Variants in RXFP1 observed in about 807,000 individuals in gnomAD.
The protein encoded by RXFP1 is relaxin receptor 1.
A neutral mutation model predicts 89.8 loss-of-function variants in RXFP1; 73 were observed. That is an observed-to-expected ratio of 0.81 (90% CI 0.67 to 0.99). RXFP1 has a LOEUF of 0.99. Among genes scored for constraint, RXFP1 ranks in the 50% least tolerant of loss-of-function variants. The pLI is 0.00. For synonymous variants in RXFP1, 277 were observed against 305.5 expected (o/e 0.91, Z 0.97); for missense variants, 793 against 895.5 (o/e 0.89, Z 1.46).
chr4:158,602,043 A>T (rs1761781461), intron 4 of RXFP1, among the ~76,000 whole-genome samples: 1 of 152,148 alleles, frequency 6.6e-6, no homozygotes, highest in Admixed American at 6.6e-5. Flanking sequence ...CACACATACA[A>T]ACACAAACCC....
rs1762325183 is a variant in RXFP1, at chr4:158,605,059, T to C, written c.393-9T>C. The C allele has an allele frequency of 1.3e-6, 2 of 1,501,510 alleles. No individual in the cohort carries two copies. The highest frequency in any genetic ancestry group is 1.8e-6 in the Non-Finnish European group (2 of 1,097,656). 93.0% of individuals were successfully genotyped at this position (1,501,510 alleles called of 1,614,324 possible). The stretch of plus-strand genomic sequence containing the variant: ...CAACTTTAAGAATCAAAATTTACAT[T>C]TATTTCAGGTCACTTCAGTGGAACT... On this transcript the variant is annotated splice_polypyrimidine_tract_variant and intron_variant, in intron 4 of 17. Transcript: ENST00000307765.
chr4:158,527,506 G>T lies in RXFP1; in HGVS notation c.49+5481G>T, dbSNP rs1579331398. On this transcript the variant is annotated intron_variant, in intron 1 of 17. Coordinates refer to ENST00000307765, the MANE Select transcript of RXFP1 (RefSeq NM_021634.4). Reference sequence around the variant, plus strand: ...TGCAATCAGCCAAGATCATGCCACTGCACTCCAGACTAGGTGACAAGAGTG... The same window carrying T: ...TGCAATCAGCCAAGATCATGCCACTTCACTCCAGACTAGGTGACAAGAGTG... Among the ~76,000 whole-genome samples, 3 of 141,834 alleles carry T rather than the reference G, an allele frequency of 2.1e-5. No homozygotes were observed. The East Asian group carries it at 6.3e-4, about 30-fold the overall frequency. 93.0% of individuals were successfully genotyped at this position (141,834 alleles called of 152,430 possible).
At chr4:158,622,409 T>A (rs1311027862) in intron 9 of RXFP1, among the ~76,000 whole-genome samples, 1 of 152,224 alleles carries the variant, frequency 6.6e-6, no homozygotes, top group Non-Finnish European at 1.5e-5. Context: ...GTCAAAGAGA[T>A]ATCTTCACTC....
intron 1 of RXFP1, among the ~76,000 whole-genome samples, chr4:158,548,079 G>A (rs867865979): frequency 7.1e-4 from 108 of 152,156 alleles, no homozygotes; most frequent in African/African-American, 2.5e-3. Flanking sequence ...TATTATGTGG[G>A]AGCCTAAGTC....
chr4:158,563,346 G>A (rs1037204883), intron 1 of RXFP1, among the ~76,000 whole-genome samples: 1 of 152,074 alleles, frequency 6.6e-6, no homozygotes, highest in African/African-American at 2.4e-5. Flanking sequence ...TTAAAAAGAA[G>A]TAGAAGTGAA....
At chr4:158,568,255 A>T (rs754051108) in intron 1 of RXFP1, among the ~76,000 whole-genome samples, 1 of 152,382 alleles carries the variant, frequency 6.6e-6, no homozygotes, top group East Asian at 1.9e-4. Flanking sequence ...TGTTGAAGTC[A>T]GTGAGACCAA....
At chr4:158,620,462 T>G (rs894313848) in intron 9 of RXFP1, among the ~76,000 whole-genome samples, 3 of 151,628 alleles carry the variant, frequency 2.0e-5, no homozygotes, top group Non-Finnish European at 4.4e-5. Context: ...TCTAAGAACC[T>G]CAGAAAAATC....
rs148591886 is a variant in RXFP1 at position 158,606,563 on chromosome 4, C to T, written c.465-1409C>T. On this transcript the variant is annotated intron_variant, in intron 5 of 17. Transcript: ENST00000307765. The stretch of plus-strand genomic sequence containing the variant: ...ATTACCTACTACATGATTGGGCCCA[C>T]AGCATGTCCGGTTCAGGTGCATAAT... Among the ~76,000 whole-genome samples, 18 of 152,218 alleles carry T rather than the reference C, an allele frequency of 1.2e-4. 1 individual carries two copies. In the Middle Eastern group the frequency reaches 0.01, roughly 86 times the overall value.
chr4:158,596,890 A>G (rs80087617), intron 3 of RXFP1, among the ~76,000 whole-genome samples: 1,703 of 152,264 alleles, frequency 0.011, 12 homozygotes, highest in Non-Finnish European at 0.018. Flanking sequence ...AGAGAAATAT[A>G]TTTTTGCGTG....
intron 1 of RXFP1, among the ~76,000 whole-genome samples, chr4:158,527,564 A>AATATATATATAT (rs1553989424): frequency 0.13 from 13,035 of 97,976 alleles, 1,168 homozygotes; most frequent in Admixed American, 0.2. Flanking sequence ...AAAAAAAAAA[A>AATATATATATAT]ATATATATAT....
At chr4:158,530,922 C>G (rs1743878516) in intron 1 of RXFP1, among the ~76,000 whole-genome samples, 1 of 152,150 alleles carries the variant, frequency 6.6e-6, no homozygotes. Flanking sequence ...CTGTACAAAG[C>G]TTTTTGTAGC....
intron 2 of RXFP1, among the ~76,000 whole-genome samples, chr4:158,577,012 T>TTTCTTC (rs3085268): frequency 2.5e-4 from 38 of 150,348 alleles, no homozygotes; most frequent in African/African-American, 8.3e-4. Context: ...AGGCTGTTCT[T>TTTCTTC]TTCTTCTTCT....
intron 1 of RXFP1, among the ~76,000 whole-genome samples, chr4:158,523,297 G>A (rs192924400): frequency 6.6e-6 from 1 of 152,196 alleles, no homozygotes; most frequent in Non-Finnish European, 1.5e-5. Context: ...TCAATGAAAT[G>A]AATAGATTAA....
chr4:158,572,876 G>A (rs1203212791), intron 2 of RXFP1, 41 bp downstream of exon 2: 1 of 1,605,560 alleles, frequency 6.2e-7, no homozygotes, highest in Non-Finnish European at 8.5e-7. Context: ...GAAAGGAGCA[G>A]AAAGGACTGA....
chr4:158,550,017 G>C (rs1219470164), intron 1 of RXFP1, among the ~76,000 whole-genome samples: 2 of 152,236 alleles, frequency 1.3e-5, no homozygotes, highest in East Asian at 3.8e-4. Context: ...GGTTACTGCT[G>C]TCTTTTTGTT....
intron 1 of RXFP1, among the ~76,000 whole-genome samples, chr4:158,537,306 T>C (rs1315910699): frequency 6.6e-6 from 1 of 152,184 alleles, no homozygotes; most frequent in Admixed American, 6.5e-5. Flanking sequence ...TCTCTTCCTT[T>C]CATCCTTTCC....
intron 4 of RXFP1, among the ~76,000 whole-genome samples, chr4:158,603,985 A>AT (rs534150574): frequency 2.8e-4 from 42 of 148,920 alleles, no homozygotes; most frequent in East Asian, 5.8e-4. Context: ...AAAAAGTAAG[A>AT]TTTTTTTTTT....
chr4:158,618,175 A>C (rs1292193617), intron 9 of RXFP1, among the ~76,000 whole-genome samples: 1 of 152,134 alleles, frequency 6.6e-6, no homozygotes, highest in Admixed American at 6.5e-5. Flanking sequence ...TAAGTTCAAC[A>C]TCCCTCATTA....
intron 1 of RXFP1, among the ~76,000 whole-genome samples, chr4:158,561,435 C>A (rs1050047253): frequency 2.0e-5 from 3 of 152,042 alleles, no homozygotes; most frequent in African/African-American, 4.8e-5. Flanking sequence ...TATAAACTTA[C>A]TATCAGGCCA....
Sources: allele counts gnomAD v4.1 joint callset (sites outside exome capture counted in the v4.1 genomes callset), GRCh38; gene constraint gnomAD v4.1.1; transcripts MANE v1.5; gene names NCBI Gene and HGNC (gene_info 2026-07-23, HGNC 2026-07-21).